Variants in PSTPIP1 observed in about 807,000 individuals in gnomAD.
PSTPIP1 encodes proline-serine-threonine phosphatase-interacting protein 1.
In PSTPIP1, 66 loss-of-function variants were observed where a neutral mutation model predicts 69.6. The observed-to-expected ratio is 0.95, with a 90% CI of 0.78 to 1.16. The LOEUF is 1.16. Among genes scored for constraint, PSTPIP1 ranks in the 50% most tolerant of loss-of-function variants. The probability of loss-of-function intolerance (pLI) is 0.00; values close to 1 mark genes in which losing one functional copy is unlikely to be tolerated. For missense variants in PSTPIP1, 603 were observed against 557.4 expected (o/e 1.08, Z -0.82); for synonymous variants, 266 against 222.7 (o/e 1.19, Z -1.73).
At chr15:77,009,566 C>T (rs929111000) in intron 1 of PSTPIP1, among the ~76,000 whole-genome samples, 1 of 152,230 alleles carries the variant, frequency 6.6e-6, no homozygotes, top group Non-Finnish European at 1.5e-5. Context: ...CTTGTAAACG[C>T]CCCTTCCCTG....
intron 1 of PSTPIP1, among the ~76,000 whole-genome samples, chr15:76,999,822 G>A (rs564916565): frequency 2.6e-5 from 4 of 152,288 alleles, no homozygotes; most frequent in African/African-American, 4.8e-5. Flanking sequence ...CCCATCCCCC[G>A]CAACCTGTAT....
chr15:77,020,623 G>A (rs1388475882), intron 3 of PSTPIP1, among the ~76,000 whole-genome samples: 1 of 152,090 alleles, frequency 6.6e-6, no homozygotes, highest in Non-Finnish European at 1.5e-5. Flanking sequence ...TAAAATAAAG[G>A]GCTTTGCCAT....
rs1292297942 is a variant in PSTPIP1 at position 77,035,555 on chromosome 15, C to T, written c.977C>T (p.Ala326Val). ...AGTCCCAAGACCACTTCGTTGGCAG[C>T]TTCTGCTGGTAAAGGGGGTCAGGAG... ...HGSPKTTSLAASAASTETLTP... is the reference protein window; with the variant it reads ...HGSPKTTSLAVSAASTETLTP... Residue 326 changes from alanine to valine, a missense_variant, in exon 13 of 15, where the codon GCT (alanine) becomes GTT (valine). Physicochemically the swap from Ala to Val is moderately conservative, Grantham distance 64 (BLOSUM62 0). Coordinates refer to ENST00000558012, the MANE Select transcript of PSTPIP1 (RefSeq NM_003978.5). 1.9e-6 allele frequency: 3 copies of T among 1,583,918 alleles called. No homozygotes were observed. Among genetic ancestry groups the T allele is most frequent in the African/African-American group, 1.3e-5 (1 of 74,150 alleles).
chr15:77,011,129 T>A (rs1243330594), intron 1 of PSTPIP1, among the ~76,000 whole-genome samples: 1 of 152,222 alleles, frequency 6.6e-6, no homozygotes, highest in Admixed American at 6.5e-5. Flanking sequence ...CAGACCTTGG[T>A]CAAAAGCCAG....
intron 1 of PSTPIP1, 35 bp from the exon 2 acceptor site, chr15:77,018,113 G>A (rs778382070): frequency 4.3e-5 from 66 of 1,549,944 alleles, no homozygotes; most frequent in Middle Eastern, 1.7e-4. Context: ...TCGCCTGGTC[G>A]TGGCCCTCAT....
chr15:77,035,486 C>T (rs748817883), intron 12 of PSTPIP1, 22 bp from the exon 13 acceptor site: 52 of 1,580,394 alleles, frequency 3.3e-5, no homozygotes, highest in Non-Finnish European at 4.2e-5. Flanking sequence ...GGACACTCAC[C>T]CTCTTTCCTC....
At chr15:77,035,463 G>A in intron 12 of PSTPIP1, 45 bp from the exon 13 acceptor site, 1 of 1,551,024 alleles carries the variant, frequency 6.4e-7, no homozygotes, top group Non-Finnish European at 8.7e-7. Context: ...GTGGGTCCCT[G>A]AGTGTGGGGC....
chr15:77,035,780 C>G (rs763085932), intron 13 of PSTPIP1, 22 bp from the exon 14 acceptor site: 3 of 1,599,176 alleles, frequency 1.9e-6, no homozygotes, highest in Non-Finnish European at 2.5e-6. Context: ...GGGGAGGGGT[C>G]TATGTCTCAC....
In PSTPIP1 at chr15:77,035,540, C is replaced by T. The variant is rs921441978; in HGVS notation, c.962C>T (p.Thr321Ile). The T allele has an allele frequency of 5.7e-6, 9 of 1,590,596 alleles. No homozygotes were observed. The highest frequency in any genetic ancestry group is 1.3e-5 in the African/African-American group (1 of 74,338). ...FSGLLHGSPK[T>I]TSLAASAAST... ...GGACTGCTGCACGGAAGTCCCAAGACCACTTCGTTGGCAGCTTCTGCTGGT... is the reference window on the plus strand; with the variant it reads ...GGACTGCTGCACGGAAGTCCCAAGATCACTTCGTTGGCAGCTTCTGCTGGT... The change falls in exon 13 of 15, where the codon ACC (threonine) becomes ATC (isoleucine). Residue 321 changes from threonine to isoleucine, a missense_variant. Thr to Ile is a moderately conservative substitution (Grantham distance 89, BLOSUM62 -1). Transcript: ENST00000558012.
In PSTPIP1 at chr15:77,036,459, G is replaced by A. The variant is rs535550373; in HGVS notation, c.1119+524G>A. On this transcript the variant is annotated intron_variant, in intron 14 of 14. Coordinates refer to ENST00000558012, the MANE Select transcript of PSTPIP1 (RefSeq NM_003978.5). ...GGATTGATTTTCTGATGTCCATAGG[G>A]TGAGGATGAACCAAGGCAGCCACAG... Among the ~76,000 whole-genome samples the A allele has an allele frequency of 6.6e-5, 10 of 152,312 alleles. No individual in the cohort carries two copies. In the South Asian group the frequency reaches 1.2e-3, roughly 19 times the overall value.
At chr15:77,019,699 C>T (rs998386006) in intron 3 of PSTPIP1, among the ~76,000 whole-genome samples, 4 of 152,208 alleles carry the variant, frequency 2.6e-5, no homozygotes, top group African/African-American at 7.2e-5. Context: ...AGCGAGCTGC[C>T]GTGCAAATCA....
At chr15:77,006,624 A>G (rs950240644) in intron 1 of PSTPIP1, among the ~76,000 whole-genome samples, 13 of 152,148 alleles carry the variant, frequency 8.5e-5, no homozygotes, top group African/African-American at 2.7e-4. Context: ...ATTTTTGCAT[A>G]TGGTATAAAG....
rs773832598 is a variant in PSTPIP1 at position 77,035,913 on chromosome 15, C to T, written c.1097C>T (p.Ala366Val). The T allele has an allele frequency of 2.4e-5, 38 of 1,607,578 alleles. No homozygotes were observed. The highest frequency in any genetic ancestry group is 5.3e-5 in the African/African-American group (4 of 74,922). Residue 366 changes from alanine to valine, a missense_variant, in exon 14 of 15, where the codon GCG becomes GTG. Physicochemically the swap from Ala to Val is moderately conservative, Grantham distance 64. Coordinates refer to ENST00000558012, the MANE Select transcript of PSTPIP1 (RefSeq NM_003978.5). ...GCCTCACCAGCCCAGGAGTACCGGG[C>T]GCTCTACGATTATACAGCGCAGGTG... ...NPASPAQEYR[A>V]LYDYTAQNPD...
At chr15:77,035,588 C>T in intron 13 of PSTPIP1, 25 bp downstream of exon 13, 1 of 1,563,036 alleles carries the variant, frequency 6.4e-7, no homozygotes, top group Non-Finnish European at 8.7e-7. Context: ...GAGGGGACCC[C>T]CAAACACACT....
At chr15:77,034,020 G>A (rs2076489822) in intron 12 of PSTPIP1, among the ~76,000 whole-genome samples, 1 of 152,118 alleles carries the variant, frequency 6.6e-6, no homozygotes, top group Non-Finnish European at 1.5e-5. Context: ...GCAGAAAGGA[G>A]TGGCCCCAGA....
intron 10 of PSTPIP1, 26 bp from the exon 11 acceptor site, chr15:77,032,272 G>GC (rs761878479): frequency 6.2e-7 from 1 of 1,609,020 alleles, no homozygotes; most frequent in Non-Finnish European, 8.5e-7. Flanking sequence ...GCATCGGGCT[G>GC]CGGCCTCTGC....
At chr15:77,036,883 G>A (rs918349923) in intron 14 of PSTPIP1, among the ~76,000 whole-genome samples, 162 bp from the exon 15 acceptor site, 12 of 152,236 alleles carry the variant, frequency 7.9e-5, no homozygotes, top group South Asian at 6.2e-4. Context: ...TGGGAGGCCC[G>A]GTCCGTTGGG....
In PSTPIP1 at chr15:77,000,464, T is replaced by TATATAG. The variant is rs1250455157; in HGVS notation, c.36+4860_36+4861insGATATA. Among the ~76,000 whole-genome samples, 18 of 110,210 alleles carry TATATAG rather than the reference T, an allele frequency of 1.6e-4. 1 individual carries two copies. Among genetic ancestry groups the TATATAG allele is most frequent in the Admixed American group, 1.5e-3 (18 of 11,748 alleles). The allele number at this position is 110,210 out of a possible 152,430, so 72.3% of individuals were successfully genotyped here. ...CATCCTGGGCATTTAAAGAGAGATA[T>TATATAG]ATATATATATATACACACACACACA... is the stretch of plus-strand genomic sequence containing the variant. On this transcript the variant is annotated intron_variant, in intron 1 of 14. Coordinates refer to ENST00000558012, the MANE Select transcript of PSTPIP1 (RefSeq NM_003978.5).
intron 1 of PSTPIP1, among the ~76,000 whole-genome samples, chr15:77,005,015 T>C (rs1368932191): frequency 2.0e-5 from 3 of 152,164 alleles, no homozygotes; most frequent in Admixed American, 1.3e-4. Flanking sequence ...GACATCAGTA[T>C]TTTTCAAAGT....
Sources: allele counts gnomAD v4.1 joint callset (sites outside exome capture counted in the v4.1 genomes callset), GRCh38; gene constraint gnomAD v4.1.1; transcripts MANE v1.5; gene names NCBI Gene and HGNC (gene_info 2026-07-23, HGNC 2026-07-21).